Variants in RHOJ observed in about 807,000 individuals in gnomAD.
RHOJ encodes rho-related GTP-binding protein RhoJ.
Under a neutral mutation model 23.4 loss-of-function variants are expected in RHOJ, and 11 were observed. The observed-to-expected ratio is 0.47, with a 90% CI of 0.30 to 0.78. The LOEUF (loss-of-function observed/expected upper bound fraction) is 0.78. Ranked by LOEUF, RHOJ falls within the 30% of genes least tolerant of loss-of-function variation. The pLI, the probability that RHOJ is intolerant of heterozygous loss-of-function variation, is 0.08. For synonymous variants in RHOJ, 102 were observed against 102.7 expected (o/e 0.99, Z 0.04); for missense variants, 254 against 273.4 (o/e 0.93, Z 0.50).
intron 1 of RHOJ, among the ~76,000 whole-genome samples, chr14:63,225,077 G>A (rs927229150): frequency 4.7e-5 from 7 of 149,492 alleles, no homozygotes; most frequent in Non-Finnish European, 8.9e-5. Flanking sequence ...TCAGCCTCCC[G>A]AGTAGCTGGG....
At chr14:63,246,045 T>C (rs1011341670) in intron 1 of RHOJ, among the ~76,000 whole-genome samples, 1 of 152,116 alleles carries the variant, frequency 6.6e-6, no homozygotes, top group African/African-American at 2.4e-5. Flanking sequence ...CTTAGGAGTC[T>C]CCTGATTCCC....
Position 63,292,140 on chromosome 14 carries a change from G to C in RHOJ, c.*1116G>C, listed in dbSNP as rs1436851131. The C allele has an allele frequency of 1.3e-5, 2 of 152,170 alleles. No individual in the cohort carries two copies. The highest frequency in any genetic ancestry group is 4.8e-5 in the African/African-American group (2 of 41,432). 9.4% of individuals were successfully genotyped at this position (152,170 alleles called of 1,614,324 possible). A position where few individuals can be genotyped will look rare whatever the true frequency, so the allele number is the denominator to read the frequency against. ...TTGCTTCAACTGAAAGTGCTTCTCA[G>C]CTCGCCCCATGTAAGTTCTCATTCC... is the stretch of plus-strand genomic sequence containing the variant. On this transcript the variant is annotated 3_prime_UTR_variant, in exon 5 of 5. Coordinates refer to ENST00000316754, the MANE Select transcript of RHOJ (RefSeq NM_020663.5).
chr14:63,278,608 A>G (rs1218938291), intron 2 of RHOJ, among the ~76,000 whole-genome samples: 1 of 152,184 alleles, frequency 6.6e-6, no homozygotes, highest in Non-Finnish European at 1.5e-5. Flanking sequence ...TATTGTTTTA[A>G]AAAACACAAG....
At chr14:63,264,811 T>C (rs1464430207) in intron 1 of RHOJ, among the ~76,000 whole-genome samples, 1 of 152,232 alleles carries the variant, frequency 6.6e-6, no homozygotes, top group African/African-American at 2.4e-5. Context: ...TGTTGGCCAC[T>C]TGTATGTCTT....
intron 3 of RHOJ, among the ~76,000 whole-genome samples, chr14:63,281,568 G>A (rs1472815356): frequency 6.6e-6 from 1 of 151,952 alleles, no homozygotes; most frequent in Non-Finnish European, 1.5e-5. Flanking sequence ...TTCTATGACA[G>A]GAACTCTTTA....
Position 63,244,289 on chromosome 14 carries a change from G to A in RHOJ, c.179-24821G>A, listed in dbSNP as rs143391477. On this transcript the variant is annotated intron_variant, in intron 1 of 4. Coordinates refer to ENST00000316754, the MANE Select transcript of RHOJ (RefSeq NM_020663.5). ...ATCAAAAAAAGGTAATGTTCTGGCC[G>A]GGTGTGGTGGCTCATGCATGTAATC... Among the ~76,000 whole-genome samples, 47 of 152,182 alleles carry A rather than the reference G, an allele frequency of 3.1e-4. 1 individual carries two copies. Among genetic ancestry groups the A allele is most frequent in the African/African-American group, 9.4e-4 (39 of 41,510 alleles).
chr14:63,266,026 G>A (rs8013421), intron 1 of RHOJ, among the ~76,000 whole-genome samples: 1 of 152,178 alleles, frequency 6.6e-6, no homozygotes, highest in African/African-American at 2.4e-5. Context: ...AGCGTCTCTT[G>A]TCAGACCCTG....
Position 63,291,384 on chromosome 14 carries a change from C to T in RHOJ, c.*360C>T, listed in dbSNP as rs572851926. 1.3e-4 allele frequency: 39 copies of T among 307,442 alleles called. No homozygotes were observed. Among genetic ancestry groups the T allele is most frequent in the African/African-American group, 7.9e-4 (36 of 45,678 alleles). 19.0% of individuals were successfully genotyped at this position (307,442 alleles called of 1,614,324 possible). On this transcript the variant is annotated 3_prime_UTR_variant, in exon 5 of 5. Coordinates refer to ENST00000316754, the MANE Select transcript of RHOJ (RefSeq NM_020663.5). The stretch of plus-strand genomic sequence containing the variant: ...CACCCCAGGGAACCCGAAAAAGAAA[C>T]TTGATTCCTCTATTGCTGGCCTTAC...
intron 1 of RHOJ, among the ~76,000 whole-genome samples, chr14:63,224,854 C>T (rs1451342182): frequency 6.6e-6 from 1 of 152,182 alleles, no homozygotes; most frequent in African/African-American, 2.4e-5. Context: ...AGCCCCTCGA[C>T]CCCATCTCAA....
At chr14:63,278,562 A>T (rs1258243944) in intron 2 of RHOJ, among the ~76,000 whole-genome samples, 1 of 152,204 alleles carries the variant, frequency 6.6e-6, no homozygotes, top group Admixed American at 6.5e-5. Context: ...TATTAGAGTC[A>T]ATAGAAAGGT....
At chr14:63,249,478 A>G (rs1895031384) in intron 1 of RHOJ, among the ~76,000 whole-genome samples, 1 of 152,212 alleles carries the variant, frequency 6.6e-6, no homozygotes, top group South Asian at 2.1e-4. Context: ...ATTCACCTTT[A>G]TTTATGAAGT....
chr14:63,289,148 A>G (rs952737325), intron 4 of RHOJ, among the ~76,000 whole-genome samples: 3 of 152,346 alleles, frequency 2.0e-5, no homozygotes, highest in Admixed American at 2.0e-4. Flanking sequence ...GCTGCCAAAT[A>G]TATCCCACAT....
intron 1 of RHOJ, among the ~76,000 whole-genome samples, chr14:63,235,826 A>G (rs549511284): frequency 6.6e-6 from 1 of 152,330 alleles, no homozygotes; most frequent in South Asian, 2.1e-4. Context: ...AGAAAATTGA[A>G]TTTGCTAATC....
chr14:63,274,352 G>A (rs1000837432), intron 2 of RHOJ, among the ~76,000 whole-genome samples: 2 of 152,158 alleles, frequency 1.3e-5, no homozygotes, highest in African/African-American at 4.8e-5. Context: ...TGGGAGATTA[G>A]GGAGAAGTTT....
At chr14:63,284,331 A>G in intron 4 of RHOJ, 1 of 985,378 alleles carries the variant, frequency 1.0e-6, no homozygotes, top group South Asian at 4.7e-5. Flanking sequence ...TCCTACTTCT[A>G]TGCACAGTAA....
chr14:63,229,495 T>A (rs531635592), intron 1 of RHOJ, among the ~76,000 whole-genome samples: 7 of 152,210 alleles, frequency 4.6e-5, no homozygotes, highest in Non-Finnish European at 1.0e-4. Context: ...CTTATTCTTT[T>A]TTTTTTGCAG....
intron 1 of RHOJ, among the ~76,000 whole-genome samples, chr14:63,261,334 C>G (rs1276609288): frequency 1.3e-5 from 2 of 151,870 alleles, no homozygotes; most frequent in Non-Finnish European, 2.9e-5. Context: ...GTGTATTTAC[C>G]TTTCTTTTTG....
chr14:63,219,009 A>G (rs1423037437), intron 1 of RHOJ, among the ~76,000 whole-genome samples: 1 of 152,230 alleles, frequency 6.6e-6, no homozygotes, highest in East Asian at 1.9e-4. Context: ...ATATCGCTTC[A>G]ATGTCACAAG....
intron 1 of RHOJ, among the ~76,000 whole-genome samples, chr14:63,226,061 T>C (rs1419051425): frequency 2.6e-5 from 4 of 152,108 alleles, no homozygotes; most frequent in Non-Finnish European, 5.9e-5. Flanking sequence ...CAATAGCTTA[T>C]ACAGAAAAAT....
Sources: allele counts gnomAD v4.1 joint callset (sites outside exome capture counted in the v4.1 genomes callset), GRCh38; gene constraint gnomAD v4.1.1; transcripts MANE v1.5; gene names NCBI Gene and HGNC (gene_info 2026-07-23, HGNC 2026-07-21).